Variants in UGGT2 observed in about 807,000 individuals in gnomAD.
The protein encoded by UGGT2 is UDP-glucose:glycoprotein glucosyltransferase 2.
Under a neutral mutation model 192.1 loss-of-function variants are expected in UGGT2, and 180 were observed. That is an observed-to-expected ratio of 0.94 (90% CI 0.83 to 1.06). UGGT2 has a LOEUF of 1.06. Ranked by LOEUF, UGGT2 falls within the 50% of genes least tolerant of loss-of-function variation. The pLI, the probability that UGGT2 is intolerant of heterozygous loss-of-function variation, is 0.00. For missense variants in UGGT2, 1,849 were observed against 1,795.7 expected, an observed-to-expected ratio of 1.03 and a Z score of -0.54; for synonymous variants, 580 against 591.0, an observed-to-expected ratio of 0.98 and a Z score of 0.27.
intron 1 of UGGT2, among the ~76,000 whole-genome samples, chr13:96,037,590 A>C (rs537762757): frequency 6.6e-6 from 1 of 152,350 alleles, no homozygotes; most frequent in Non-Finnish European, 1.5e-5. Flanking sequence ...TTATGCACTC[A>C]AATTTCCAGG....
chr13:95,896,222 C>T (rs1358292992), intron 22 of UGGT2, among the ~76,000 whole-genome samples: 2 of 152,068 alleles, frequency 1.3e-5, no homozygotes, highest in African/African-American at 4.8e-5. Context: ...CCTTCACCTG[C>T]TCCTACAGTT....
intron 22 of UGGT2, among the ~76,000 whole-genome samples, chr13:95,898,648 G>T (rs142312160): frequency 6.6e-6 from 1 of 152,112 alleles, no homozygotes; most frequent in Non-Finnish European, 1.5e-5. Flanking sequence ...CTAATGGGAG[G>T]TGTTTAGGTC....
At chr13:95,949,578 A>C in intron 12 of UGGT2, 124 bp from the exon 13 acceptor site, 1 of 962,098 alleles carries the variant, frequency 1.0e-6, no homozygotes, top group Non-Finnish European at 1.4e-6. Context: ...CTGATTAAAT[A>C]GAGGAGCTAG....
At position 96,002,675 on chromosome 13, in the gene UGGT2, T is replaced by C. The variant is rs905367583; in HGVS notation, c.661-3368A>G. ...CAAGAATATTTAAGATTTTCCACTT[T>C]TACTAAATAGCAATAACTAACTCAA... On this transcript the variant is annotated intron_variant, in intron 5 of 38. Transcript: ENST00000376747. 2.0e-5 allele frequency among the ~76,000 whole-genome samples: 3 copies of C among 152,326 alleles called. No homozygotes were observed. In the East Asian group the frequency reaches 5.8e-4, roughly 29 times the overall value.
intron 38 of UGGT2, among the ~76,000 whole-genome samples, chr13:95,825,502 A>G (rs990455996): frequency 6.6e-6 from 1 of 152,110 alleles, no homozygotes; most frequent in Non-Finnish European, 1.5e-5. Context: ...ATCTGTAGGC[A>G]TGTTGATGTT....
intron 30 of UGGT2, among the ~76,000 whole-genome samples, chr13:95,866,474 T>C (rs1566610034): frequency 1.3e-5 from 2 of 152,184 alleles, no homozygotes; most frequent in Admixed American, 1.3e-4. Flanking sequence ...TTTATGGATG[T>C]CTCTTCCAGA....
At position 95,948,056 on chromosome 13, in the gene UGGT2, T is replaced by C; in HGVS notation, c.1481A>G (p.Glu494Gly). 1 of 1,613,206 alleles carries C rather than the reference T, an allele frequency of 6.2e-7. No individual in the cohort carries two copies. Among genetic ancestry groups the C allele is most frequent in the Non-Finnish European group, 8.5e-7 (1 of 1,179,612 alleles). ...NLVLFIDPAQ[E>G]YTLDFIKLAD... is the part of the protein sequence containing the mutation. The stretch of plus-strand genomic sequence containing the variant: ...AAGTTTTATAAAATCCAAGGTATAT[T>C]CTTGGGCCGGATCAATAAACAGAAC... Residue 494 changes from glutamate (E) to glycine (G), a missense_variant, in exon 14 of 39, where the codon GAA becomes GGA. Glu to Gly is a moderately conservative substitution (Grantham distance 98, BLOSUM62 -2). Transcript: ENST00000376747.
At chr13:95,904,048 T>A (rs1174365629) in intron 20 of UGGT2, among the ~76,000 whole-genome samples, 1 of 152,152 alleles carries the variant, frequency 6.6e-6, no homozygotes, top group African/African-American at 2.4e-5. Context: ...ATTATCTTTT[T>A]TGGCCCCTGA....
At chr13:95,990,372 C>T (rs570138732) in intron 7 of UGGT2, 6 of 166,110 alleles carry the variant, frequency 3.6e-5, no homozygotes, top group Non-Finnish European at 6.5e-5. Flanking sequence ...TTTCATATTA[C>T]ATACTTTTTG....
chr13:95,921,754 G>A (rs564580798), intron 20 of UGGT2, among the ~76,000 whole-genome samples: 4 of 152,004 alleles, frequency 2.6e-5, no homozygotes, highest in South Asian at 2.1e-4. Flanking sequence ...GTCAGAATTG[G>A]TATTATTAAA....
intron 1 of UGGT2, among the ~76,000 whole-genome samples, chr13:96,042,051 T>C (rs917697935): frequency 4.6e-5 from 7 of 152,092 alleles, no homozygotes; most frequent in Non-Finnish European, 8.8e-5. Context: ...GCCACCTCCC[T>C]GCAGAATGCC....
At chr13:95,989,254 C>T (rs2051385714) in intron 8 of UGGT2, among the ~76,000 whole-genome samples, 1 of 152,026 alleles carries the variant, frequency 6.6e-6, no homozygotes, top group Admixed American at 6.6e-5. Flanking sequence ...ATTTACATCA[C>T]TAATGTCTAT....
intron 38 of UGGT2, among the ~76,000 whole-genome samples, chr13:95,823,690 G>A (rs1466018097): frequency 6.6e-6 from 1 of 151,968 alleles, no homozygotes; most frequent in African/African-American, 2.4e-5. Flanking sequence ...CAGATATTTG[G>A]ATTGTGATTT....
chr13:96,049,012 T>G (rs76570701), intron 1 of UGGT2, among the ~76,000 whole-genome samples: 170 of 152,262 alleles, frequency 1.1e-3, no homozygotes, highest in Non-Finnish European at 2.1e-3. Flanking sequence ...TACCAAAGCC[T>G]GGCAGAGACA....
intron 38 of UGGT2, among the ~76,000 whole-genome samples, chr13:95,814,812 C>CA (rs1323485259): frequency 5.3e-5 from 8 of 152,128 alleles, no homozygotes; most frequent in African/African-American, 1.9e-4. Context: ...TCCATGAACA[C>CA]AGATGCAAAA....
chr13:95,874,144 T>C (rs1445741972), intron 29 of UGGT2, among the ~76,000 whole-genome samples: 1 of 152,136 alleles, frequency 6.6e-6, no homozygotes. Flanking sequence ...CCTCACCAAG[T>C]GATTTCTGTC....
chr13:95,983,695 C>A, intron 10 of UGGT2, 109 bp downstream of exon 10: 1 of 867,894 alleles, frequency 1.2e-6, no homozygotes, highest in Middle Eastern at 2.3e-4. Flanking sequence ...TTTTAATAAT[C>A]AAAAAAGCAC....
intron 20 of UGGT2, among the ~76,000 whole-genome samples, chr13:95,905,287 G>A (rs1488948617): frequency 6.8e-6 from 1 of 146,928 alleles, no homozygotes; most frequent in African/African-American, 2.5e-5. Context: ...CTGTGCAGAA[G>A]CTCTTTAGTT....
In UGGT2 at chr13:95,866,393, G is replaced by C. The variant is rs533759549; in HGVS notation, c.3558+946C>G. Among the ~76,000 whole-genome samples the C allele has an allele frequency of 2.0e-5, 3 of 152,186 alleles. No homozygotes were observed. In the South Asian group the frequency reaches 6.2e-4, roughly 32 times the overall value. On this transcript the variant is annotated intron_variant, in intron 30 of 38. Coordinates refer to ENST00000376747, the MANE Select transcript of UGGT2 (RefSeq NM_020121.4). ...TGGTTTTGTGTATTTGGTTAACTTT[G>C]ACTATGAGTTGGCCTTCATACTAGA...
Sources: allele counts gnomAD v4.1 joint callset (sites outside exome capture counted in the v4.1 genomes callset), GRCh38; gene constraint gnomAD v4.1.1; transcripts MANE v1.5; gene names NCBI Gene and HGNC (gene_info 2026-07-23, HGNC 2026-07-21).